WNK1: variants seen among roughly 807,000 people sequenced by gnomAD.
WNK1 encodes WNK lysine deficient protein kinase 1, also known as serine/threonine-protein kinase WNK1.
In WNK1, 38 loss-of-function variants were observed where a neutral mutation model predicts 222.8. The observed-to-expected ratio is 0.17, with a 90% CI of 0.13 to 0.22. The LOEUF is 0.22. WNK1 is among the 10% of genes least tolerant of loss of function. The probability of loss-of-function intolerance (pLI) is 1.00; values close to 1 mark genes in which losing one functional copy is unlikely to be tolerated. For missense variants in WNK1, 2,348 were observed against 2,918.4 expected (o/e 0.80, Z 4.50); for synonymous variants, 1,090 against 1,092.9 (o/e 1.00, Z 0.05).
In WNK1 at chr12:879,850, C is replaced by T. The variant is rs759393178; in HGVS notation, c.2651C>T (p.Ala884Val). 27 of 1,614,004 alleles carry T rather than the reference C, an allele frequency of 1.7e-5. No homozygotes were observed. The highest frequency in any genetic ancestry group is 8.9e-5 in the East Asian group (4 of 44,890). Residue 884 changes from alanine (A) to valine (V), a missense_variant, in exon 11 of 28, where the codon GCG becomes GTG. Physicochemically the swap from Ala to Val is moderately conservative, Grantham distance 64 (BLOSUM62 0). Transcript: ENST00000315939. Reference sequence around the variant, plus strand: ...TTGGCTTCATCTGCTACAACAGCTGCGATCCCGGGGGTATCAACTGTGGTT... The same window carrying T: ...TTGGCTTCATCTGCTACAACAGCTGTGATCCCGGGGGTATCAACTGTGGTT... ...LTLASSATTA[A>V]IPGVSTVVPS...
chr12:771,673 G>C (rs192378503), intron 1 of WNK1, among the ~76,000 whole-genome samples: 1 of 152,242 alleles, frequency 6.6e-6, no homozygotes, highest in East Asian at 1.9e-4. Context: ...GACCTCAGGT[G>C]ATCTGCCCGC....
intron 1 of WNK1, among the ~76,000 whole-genome samples, chr12:808,500 GT>G (rs148456638): frequency 2.1e-4 from 31 of 148,052 alleles, no homozygotes; most frequent in African/African-American, 7.2e-4. Context: ...AACTAAATGT[GT>G]TTTTTTTTTC....
rs1220630836 is a variant in WNK1 at position 851,579 on chromosome 12, AC to A, written c.1312-5581del. The A allele has an allele frequency of 3.3e-5, 40 of 1,197,262 alleles. No homozygotes were observed. In the Middle Eastern group the frequency reaches 1.5e-3, roughly 44 times the overall value. The allele number at this position is 1,197,262 out of a possible 1,614,324, so 74.2% of individuals were successfully genotyped here. On this transcript the variant is annotated intron_variant, in intron 4 of 27. Transcript: ENST00000315939. ...AAGCATGGCTAGTGTTAAACAAGAA[AC>A]TGTGTTTCAGTCTGACTTTGATGTC...
Position 908,820 on chromosome 12 carries a change from G to A in WNK1, c.*28G>A, listed in dbSNP as rs1430587977. 1.2e-6 allele frequency: 2 copies of A among 1,604,594 alleles called. No homozygotes were observed. The highest frequency in any genetic ancestry group is 1.7e-4 in the Middle Eastern group (1 of 6,050). ...CTAGAGACATTAACTGAATAGATCT[G>A]GGGGCAGGAGATGGAATGCTGAGGG... On this transcript the variant is annotated 3_prime_UTR_variant, in exon 28 of 28. Coordinates refer to ENST00000315939, the MANE Select transcript of WNK1 (RefSeq NM_018979.4).
Position 868,077 on chromosome 12 carries a change from T to G in WNK1, c.2140-3188T>G, listed in dbSNP as rs371167739. Reference sequence around the variant, plus strand: ...CTGCTGAGGACTGTTGGCCAAAGTCTTCTTCCACCTGGTGGCAGCCCAACT... The same window carrying G: ...CTGCTGAGGACTGTTGGCCAAAGTCGTCTTCCACCTGGTGGCAGCCCAACT... On this transcript the variant is annotated intron_variant, in intron 8 of 27. Transcript: ENST00000315939. The G allele has an allele frequency of 6.2e-6, 10 of 1,613,898 alleles. No homozygotes were observed. In the African/African-American group the frequency reaches 1.1e-4, roughly 17 times the overall value.
At chr12:830,427 T>A (rs1015112145) in intron 4 of WNK1, among the ~76,000 whole-genome samples, 2 of 152,238 alleles carry the variant, frequency 1.3e-5, no homozygotes, top group African/African-American at 4.8e-5. Flanking sequence ...CCTCATTACC[T>A]ACTTTTTAAC....
chr12:839,593 A>G (rs867440275), intron 4 of WNK1, among the ~76,000 whole-genome samples: 19 of 152,206 alleles, frequency 1.2e-4, no homozygotes, highest in Admixed American at 2.0e-4. Flanking sequence ...TCATGTACAT[A>G]TATATACTTA....
intron 4 of WNK1, among the ~76,000 whole-genome samples, chr12:838,789 A>G (rs1949397355): frequency 6.6e-6 from 1 of 152,154 alleles, no homozygotes; most frequent in Admixed American, 6.5e-5. Context: ...CTTCATCTTA[A>G]CTAATTACTT....
In WNK1 at chr12:813,767, G is replaced by A. The variant is rs765502315; in HGVS notation, c.885G>A (p.Lys295=). ...GGGAATCCACAGTAAAAGGAAAGAA[G>A]TGCATTGTTTTGGTGACTGAACTTA... ...DSWESTVKGK[K]CIVLVTELMT... The change falls in exon 2 of 28, where the codon AAG becomes AAA. Residue 295 remains lysine (K), a synonymous_variant. Transcript: ENST00000315939. 121 of 1,613,982 alleles carry A rather than the reference G, an allele frequency of 7.5e-5. 1 individual carries two copies. Among genetic ancestry groups the A allele is most frequent in the Middle Eastern group, 1.7e-4 (1 of 6,060 alleles).
chr12:776,780 C>A (rs1357906056), intron 1 of WNK1, among the ~76,000 whole-genome samples: 1 of 152,014 alleles, frequency 6.6e-6, no homozygotes, highest in Admixed American at 6.6e-5. Context: ...TGGGCTGGTG[C>A]TTTGGGAGAG....
At chr12:778,114 C>G (rs1027301955) in intron 1 of WNK1, among the ~76,000 whole-genome samples, 1 of 152,080 alleles carries the variant, frequency 6.6e-6, no homozygotes, top group Non-Finnish European at 1.5e-5. Flanking sequence ...GCAATTTCAC[C>G]TTTTTGCTTA....
rs1276763767 is a variant in WNK1, at chr12:881,744, A to G, written c.3164A>G (p.Gln1055Arg). ...VAPAEPVAVA[Q>R]TQATQPTTLA... Reference sequence around the variant, plus strand: ...CCTGCAGAGCCAGTTGCAGTAGCACAGACCCAAGCTACCCAGCCGACCACT... The same window carrying G: ...CCTGCAGAGCCAGTTGCAGTAGCACGGACCCAAGCTACCCAGCCGACCACT... The change falls in exon 13 of 28, where the codon CAG becomes CGG. Residue 1055 changes from glutamine (Q) to arginine (R), a missense_variant. Transcript: ENST00000315939. 6.2e-7 allele frequency: 1 copy of G among 1,614,226 alleles called. No individual in the cohort carries two copies. Among genetic ancestry groups the G allele is most frequent in the Admixed American group, 1.7e-5 (1 of 60,028 alleles).
chr12:822,617 A>T (rs1947994792), intron 2 of WNK1, among the ~76,000 whole-genome samples: 1 of 152,178 alleles, frequency 6.6e-6, no homozygotes, highest in South Asian at 2.1e-4. Context: ...ATACCAACTT[A>T]GCTTTAATAC....
intron 5 of WNK1, among the ~76,000 whole-genome samples, chr12:858,052 G>A (rs567425825): frequency 3.3e-5 from 5 of 152,082 alleles, no homozygotes; most frequent in East Asian, 3.9e-4. Flanking sequence ...TTATAACATC[G>A]TTATTTAGAA....
chr12:891,128 A>G (rs1470369577), intron 22 of WNK1, among the ~76,000 whole-genome samples: 1 of 152,192 alleles, frequency 6.6e-6, no homozygotes, highest in Non-Finnish European at 1.5e-5. Flanking sequence ...TTTTCAAATC[A>G]TTGGAAGATG....
chr12:756,981 A>G (rs1453104512), intron 1 of WNK1, among the ~76,000 whole-genome samples: 2 of 152,222 alleles, frequency 1.3e-5, no homozygotes, highest in Admixed American at 6.5e-5. Context: ...TTGATTAGGT[A>G]GATGAAGAAC....
Position 879,851 on chromosome 12 carries a change from G to A in WNK1, c.2652G>A (p.Ala884=), listed in dbSNP as rs142528714. 6.5e-5 allele frequency: 105 copies of A among 1,613,910 alleles called. No homozygotes were observed. Among genetic ancestry groups the A allele is most frequent in the Middle Eastern group, 3.3e-4 (2 of 6,084 alleles). The change falls in exon 11 of 28, where the codon GCG becomes GCA. Residue 884 remains alanine (A), a synonymous_variant. Transcript: ENST00000315939. ...TGGCTTCATCTGCTACAACAGCTGCGATCCCGGGGGTATCAACTGTGGTTC... is the reference window on the plus strand; with the variant it reads ...TGGCTTCATCTGCTACAACAGCTGCAATCCCGGGGGTATCAACTGTGGTTC... ...LTLASSATTA[A]IPGVSTVVPS... is the part of the protein sequence containing the mutation.
intron 4 of WNK1, among the ~76,000 whole-genome samples, chr12:832,087 A>T (rs1388140035): frequency 6.6e-6 from 1 of 151,874 alleles, no homozygotes; most frequent in South Asian, 2.1e-4. Flanking sequence ...TTATTTATTT[A>T]TTTTTTGAGA....
At chr12:788,893 G>T (rs1989450) in intron 1 of WNK1, among the ~76,000 whole-genome samples, 12 of 147,678 alleles carry the variant, frequency 8.1e-5, no homozygotes, top group East Asian at 2.0e-4. Flanking sequence ...TCTCGGGGGG[G>T]AAAAAGAAAG....
Sources: allele counts gnomAD v4.1 joint callset (sites outside exome capture counted in the v4.1 genomes callset), GRCh38; gene constraint gnomAD v4.1.1; transcripts MANE v1.5; gene names NCBI Gene and HGNC (gene_info 2026-07-23, HGNC 2026-07-21).